Variants in FUT8 observed in about 807,000 individuals in gnomAD.
The protein encoded by FUT8 is fucosyltransferase 8, also known as alpha-(1,6)-fucosyltransferase.
A neutral mutation model predicts 71.3 loss-of-function variants in FUT8; 29 were observed. The observed-to-expected ratio is 0.41, with a 90% CI of 0.30 to 0.55. The LOEUF (loss-of-function observed/expected upper bound fraction) is 0.55. FUT8 is among the 20% of genes least tolerant of loss of function. The pLI, the probability that FUT8 is intolerant of heterozygous loss-of-function variation, is 0.34. For missense variants in FUT8, 544 were observed against 702.1 expected (o/e 0.77, Z 2.55); for synonymous variants, 254 against 239.3 (o/e 1.06, Z -0.57).
chr14:65,674,382 T>TA (rs1166896214), intron 7 of FUT8, among the ~76,000 whole-genome samples: 3 of 152,142 alleles, frequency 2.0e-5, no homozygotes, highest in African/African-American at 4.8e-5. Flanking sequence ...TTTAGCTCTT[T>TA]AAAAAACTCA....
At chr14:65,386,052 T>C in the FUT8 span, among the ~76,000 whole-genome samples, 2 of 151,638 alleles carry the variant, frequency 1.3e-5, no homozygotes, top group Admixed American at 1.3e-4. Context: ...CTTGGGAGGC[T>C]GAGGTGGGAG....
the FUT8 span, among the ~76,000 whole-genome samples, chr14:65,391,964 C>T: frequency 6.6e-6 from 1 of 152,060 alleles, no homozygotes; most frequent in Admixed American, 6.6e-5. Flanking sequence ...TGGAGTTTTG[C>T]TCTTGTTGGC....
At chr14:65,642,919 A>C (rs1246018665) in intron 6 of FUT8, among the ~76,000 whole-genome samples, 1 of 152,180 alleles carries the variant, frequency 6.6e-6, no homozygotes, top group Non-Finnish European at 1.5e-5. Context: ...TTTCTACATA[A>C]AGTATCATGT....
chr14:65,572,927 G>A (rs1594779569), intron 3 of FUT8, among the ~76,000 whole-genome samples: 1 of 152,266 alleles, frequency 6.6e-6, no homozygotes, highest in Admixed American at 6.5e-5. Context: ...GATGTGAATA[G>A]CATTTTCTTC....
At chr14:65,693,622 C>G (rs945242649) in intron 7 of FUT8, among the ~76,000 whole-genome samples, 1 of 152,172 alleles carries the variant, frequency 6.6e-6, no homozygotes, top group African/African-American at 2.4e-5. Context: ...GATTTTGCAT[C>G]TACATTAATG....
intron 2 of FUT8, among the ~76,000 whole-genome samples, chr14:65,468,905 C>T (rs540156265): frequency 3.9e-5 from 6 of 152,090 alleles, no homozygotes; most frequent in Admixed American, 3.3e-4. Flanking sequence ...TCAAGTGATT[C>T]TCCCTCCTCA....
chr14:65,477,494 C>T (rs930483681), intron 2 of FUT8, among the ~76,000 whole-genome samples: 9 of 152,062 alleles, frequency 5.9e-5, no homozygotes, highest in African/African-American at 1.9e-4. Flanking sequence ...TAGCAAAATA[C>T]CTAAGTCAGT....
chr14:65,664,672 C>T (rs970465917), intron 6 of FUT8, among the ~76,000 whole-genome samples: 1 of 152,072 alleles, frequency 6.6e-6, no homozygotes, highest in Non-Finnish European at 1.5e-5. Context: ...ATTTTATAGA[C>T]TGCAGCTTTT....
intron 2 of FUT8, among the ~76,000 whole-genome samples, chr14:65,533,594 C>T (rs1419617998): frequency 2.0e-5 from 3 of 152,104 alleles, no homozygotes; most frequent in Non-Finnish European, 2.9e-5. Context: ...ATCATGTCAT[C>T]TCCAAACAGT....
chr14:65,637,554 G>C (rs1048039816), intron 6 of FUT8, among the ~76,000 whole-genome samples: 1 of 152,036 alleles, frequency 6.6e-6, no homozygotes, highest in African/African-American at 2.4e-5. Flanking sequence ...CATTTCAGGT[G>C]AATAAAGTAT....
chr14:65,467,343 G>T lies in FUT8; in HGVS notation c.-228+11625G>T, dbSNP rs946408411. On this transcript the variant is annotated intron_variant, in intron 2 of 10. Coordinates refer to ENST00000673929, the MANE Select transcript of FUT8 (RefSeq NM_001371533.1). The surrounding 1 kb of genome is among the most constrained non-coding windows in gnomAD (Gnocchi z 4.1). The stretch of plus-strand genomic sequence containing the variant: ...GATGGAGTCTCATTCTGTTACTCAG[G>T]CTGGAGTGCAGTGGCACGATCTTGG... 6.6e-6 allele frequency among the ~76,000 whole-genome samples: 1 copy of T among 152,104 alleles called. No homozygotes were observed. The highest frequency in any genetic ancestry group is 2.4e-5 in the African/African-American group (1 of 41,410).
chr14:65,698,175 A>G (rs376530138), intron 7 of FUT8, among the ~76,000 whole-genome samples: 1 of 152,222 alleles, frequency 6.6e-6, no homozygotes, highest in East Asian at 1.9e-4. Flanking sequence ...GCAATAATAC[A>G]TGCCTAGCAT....
intron 2 of FUT8, among the ~76,000 whole-genome samples, chr14:65,553,948 T>A (rs1594764003): frequency 1.3e-5 from 2 of 152,248 alleles, no homozygotes; most frequent in East Asian, 3.9e-4. Context: ...ATCATTTTTT[T>A]ACTTTGGAAA....
intron 7 of FUT8, among the ~76,000 whole-genome samples, chr14:65,700,537 C>T (rs1235424071): frequency 2.0e-5 from 3 of 151,692 alleles, no homozygotes; most frequent in East Asian, 3.9e-4. Flanking sequence ...ACTACAGGCA[C>T]CCGCCACCAC....
intron 10 of FUT8, among the ~76,000 whole-genome samples, chr14:65,737,756 T>C (rs1167374338): frequency 6.6e-6 from 1 of 152,114 alleles, no homozygotes; most frequent in Non-Finnish European, 1.5e-5. Context: ...TTAAAAGTTA[T>C]CATAATACAA....
intron 1 of FUT8, among the ~76,000 whole-genome samples, chr14:65,433,459 C>T (rs1248780075): frequency 2.0e-5 from 3 of 152,172 alleles, no homozygotes; most frequent in African/African-American, 7.2e-5. Context: ...TTAATCCTTA[C>T]TGCAGTTGTG....
At position 65,417,339 on chromosome 14, in the gene FUT8, C is replaced by G. The variant is rs545776668; in HGVS notation, c.-326+4125C>G. 8.3e-4 allele frequency among the ~76,000 whole-genome samples: 127 copies of G among 152,244 alleles called. 6 individuals carry two copies. In the South Asian group the frequency reaches 0.025, roughly 30 times the overall value. ...TTTTTTCCTTTCCCCAGCTACCCCC[C>G]ATCATCCAACAGTCTTCCATTTGGA... On this transcript the variant is annotated intron_variant, in intron 1 of 10. Coordinates refer to ENST00000673929, the MANE Select transcript of FUT8 (RefSeq NM_001371533.1).
chr14:65,651,455 G>A (rs1290733138), intron 6 of FUT8, among the ~76,000 whole-genome samples: 1 of 152,174 alleles, frequency 6.6e-6, no homozygotes, highest in Non-Finnish European at 1.5e-5. Context: ...CAACTTGATT[G>A]CCTATCAAAG....
At position 65,633,999 on chromosome 14, in the gene FUT8, C is replaced by T. The variant is rs1165083847; in HGVS notation, c.597+4393C>T. Among the ~76,000 whole-genome samples, 15 of 152,094 alleles carry T rather than the reference C, an allele frequency of 9.9e-5. No homozygotes were observed. The East Asian group carries it at 2.9e-3, about 30-fold the overall frequency. ...ATCCGGGAGGTGAGGGGCGCCTCTG[C>T]CCGGCCACCGCTACTGGGAAGTGAG... On this transcript the variant is annotated intron_variant, in intron 6 of 10. Transcript: ENST00000673929.
Sources: gnomAD v4.1 joint callset for allele counts (sites outside exome capture counted in the v4.1 genomes callset) on GRCh38, gnomAD v4.1.1 for gene constraint, Gnocchi (gnomAD v3.1) non-coding constraint, MANE v1.5 for transcripts, NCBI Gene and HGNC (gene_info 2026-07-23, HGNC 2026-07-21) for gene names.